Variants in ICAM1 observed in about 807,000 individuals in gnomAD.
ICAM1 encodes the protein intercellular adhesion molecule 1.
ICAM1 carries 28 observed loss-of-function variants against 42.3 expected under a neutral mutation model. The ratio of observed to expected loss-of-function variants is 0.66; its 90% CI spans 0.49 to 0.91. ICAM1 has a LOEUF of 0.91. ICAM1 is among the 40% of genes least tolerant of loss of function. The pLI is 0.00. For synonymous variants in ICAM1, 304 were observed against 305.9 expected (o/e 0.99, Z 0.07); for missense variants, 637 against 688.6 (o/e 0.93, Z 0.84).
Position 10,286,357 on chromosome 19 carries a change from CGTGTGTGT to C in ICAM1, c.*1079_*1086del. 1 of 151,226 alleles carries C rather than the reference CGTGTGTGT, an allele frequency of 6.6e-6. No homozygotes were observed. Among genetic ancestry groups the C allele is most frequent in the African/African-American group, 2.4e-5 (1 of 41,144 alleles). 9.4% of individuals were successfully genotyped at this position (151,226 alleles called of 1,614,324 possible). The stretch of plus-strand genomic sequence containing the variant: ...CTCCCAGCTTTGGAAGCCTCATCCG[CGTGTGTGT>C]GTGTGTGTATGTGTAGACAAGCTCT... On this transcript the variant is annotated 3_prime_UTR_variant, in exon 7 of 7. Coordinates refer to ENST00000264832, the MANE Select transcript of ICAM1 (RefSeq NM_000201.3).
In ICAM1 at chr19:10,283,550, G is replaced by A. The variant is rs781416568; in HGVS notation, c.401G>A (p.Arg134His). Residue 134 changes from arginine (R) to histidine (H), a missense_variant, in exon 3 of 7, where the codon CGC becomes CAC. Physicochemically the swap from Arg to His is conservative, Grantham distance 29 (BLOSUM62 0). Transcript: ENST00000264832. ...WQPVGKNLTL[R>H]CQVEGGAPRA... ...CCAGTGGGCAAGAACCTTACCCTAC[G>A]CTGCCAGGTGGAGGGTGGGGCACCC... 1.3e-5 allele frequency: 21 copies of A among 1,612,174 alleles called. 1 individual carries two copies. Among genetic ancestry groups the A allele is most frequent in the South Asian group, 7.7e-5 (7 of 90,982 alleles).
intron 1 of ICAM1, among the ~76,000 whole-genome samples, chr19:10,274,049 T>C (rs1416474196): frequency 6.6e-6 from 1 of 151,926 alleles, no homozygotes; most frequent in Non-Finnish European, 1.5e-5. Context: ...ATCTTTAGCA[T>C]GGCCTTCAGT....
At chr19:10,283,999 T>C in intron 3 of ICAM1, 34 bp from the exon 4 acceptor site, 9 of 1,596,480 alleles carry the variant, frequency 5.6e-6, no homozygotes, top group Non-Finnish European at 7.7e-6. Flanking sequence ...GGGACGTCCA[T>C]CCCTGTCTGC....
rs1568291858 is a variant in ICAM1 at position 10,274,743 on chromosome 19, C to T, written c.68-22C>T. 2.5e-6 allele frequency: 4 copies of T among 1,606,782 alleles called. No individual in the cohort carries two copies. In the African/African-American group the frequency reaches 5.4e-5, roughly 21 times the overall value. ...TGAACCTGATTTGTAATGCCTGTCG[C>T]CTCTTCCCTCGTTTCTTCTAGGACC... is the stretch of plus-strand genomic sequence containing the variant. On this transcript the variant is annotated intron_variant, in intron 1 of 6. Coordinates refer to ENST00000264832, the MANE Select transcript of ICAM1 (RefSeq NM_000201.3).
chr19:10,281,080 A>G (rs549804323), intron 2 of ICAM1, among the ~76,000 whole-genome samples: 68 of 150,604 alleles, frequency 4.5e-4, no homozygotes, highest in South Asian at 3.2e-3. Flanking sequence ...TCACCGTGTT[A>G]GCCAGGATGG....
At chr19:10,283,852 GC>G in intron 3 of ICAM1, 66 bp downstream of exon 3, 1 of 1,500,502 alleles carries the variant, frequency 6.7e-7, no homozygotes, top group South Asian at 1.3e-5. Context: ...GGTGCCTGTG[GC>G]CACAGGATCT....
intron 2 of ICAM1, among the ~76,000 whole-genome samples, chr19:10,278,276 A>C (rs1200466209): frequency 6.6e-6 from 1 of 152,186 alleles, no homozygotes; most frequent in African/African-American, 2.4e-5. Context: ...AGCTTGGGAC[A>C]TGACTTCTGC....
chr19:10,282,071 C>CTTTT (rs35660845), intron 2 of ICAM1, among the ~76,000 whole-genome samples: 10 of 144,786 alleles, frequency 6.9e-5, no homozygotes, highest in East Asian at 6.0e-4. Flanking sequence ...TCATTACTGA[C>CTTTT]TTTTTTTTTT....
At chr19:10,279,292 CCAGTGCTTTGGGAGGCCAAAG>C (rs763906466) in intron 2 of ICAM1, among the ~76,000 whole-genome samples, 4 of 151,770 alleles carry the variant, frequency 2.6e-5, no homozygotes, top group Non-Finnish European at 5.9e-5. Flanking sequence ...ACCTGTAATC[CCAGTGCTTTGGGAGGCCAAAG>C]CAAGAGGATT....
intron 2 of ICAM1, among the ~76,000 whole-genome samples, chr19:10,280,333 A>T (rs5030366): frequency 0.061 from 9,320 of 151,896 alleles, 283 homozygotes; most frequent in Middle Eastern, 0.082. Context: ...ATATATATAT[A>T]TTTTTTTGTT....
At chr19:10,274,564 C>G (rs926904833) in intron 1 of ICAM1, among the ~76,000 whole-genome samples, 14 of 152,198 alleles carry the variant, frequency 9.2e-5, no homozygotes, top group Non-Finnish European at 2.1e-4. Flanking sequence ...ATCTGCCCGC[C>G]TTGGCCTCCC....
intron 1 of ICAM1, among the ~76,000 whole-genome samples, chr19:10,272,632 T>G (rs575339328): frequency 7.0e-6 from 1 of 142,118 alleles, no homozygotes; most frequent in Admixed American, 7.5e-5. Flanking sequence ...TGGCGTGATC[T>G]CGGCTCACTG....
intron 2 of ICAM1, 51 bp from the exon 3 acceptor site, chr19:10,283,430 C>T: frequency 6.7e-7 from 1 of 1,500,594 alleles, no homozygotes; most frequent in Non-Finnish European, 8.9e-7. Context: ...GTCTGTTAGG[C>T]AGGCAGCAAG....
At chr19:10,275,296 G>A (rs976907444) in intron 2 of ICAM1, among the ~76,000 whole-genome samples, 6 of 152,192 alleles carry the variant, frequency 3.9e-5, no homozygotes, top group Non-Finnish European at 7.3e-5. Flanking sequence ...GAGATCAGGA[G>A]TTTAAGTTTC....
At chr19:10,275,481 G>T (rs1427286872) in intron 2 of ICAM1, among the ~76,000 whole-genome samples, 1 of 151,974 alleles carries the variant, frequency 6.6e-6, no homozygotes, top group Non-Finnish European at 1.5e-5. Flanking sequence ...GGATAACAGA[G>T]CAAGATTCCA....
Position 10,283,901 on chromosome 19 carries a change from G to A in ICAM1, c.637+115G>A. 3.5e-6 allele frequency: 5 copies of A among 1,435,702 alleles called. No individual in the cohort carries two copies. The South Asian group carries it at 3.9e-5, about 11-fold the overall frequency. 88.9% of individuals were successfully genotyped at this position (1,435,702 alleles called of 1,614,324 possible). A position where few individuals can be genotyped will look rare whatever the true frequency, so the allele number is the denominator to read the frequency against. ...GTGGCCCCGGCTAAGGGGTGCATGTGTTCTAGGCGTATGTGACCTAGGCTG... is the reference window on the plus strand; with the variant it reads ...GTGGCCCCGGCTAAGGGGTGCATGTATTCTAGGCGTATGTGACCTAGGCTG... On this transcript the variant is annotated intron_variant, in intron 3 of 6. Transcript: ENST00000264832.
In ICAM1 at chr19:10,284,118, G is replaced by T. The variant is rs5493; in HGVS notation, c.723G>T (p.Gly241=). The change falls in exon 4 of 7, where the codon GGG becomes GGT. Residue 241 remains glycine, a synonymous_variant. Transcript: ENST00000264832. The surrounding 1 kb of genome is among the most constrained non-coding windows in gnomAD (Gnocchi z 5.4). Reference sequence around the variant, plus strand: ...GGACCGTGGTCTGTTCCCTGGACGGGCTGTTCCCAGTCTCGGAGGCCCAGG... The same window carrying T: ...GGACCGTGGTCTGTTCCCTGGACGGTCTGTTCCCAGTCTCGGAGGCCCAGG... ...TQGTVVCSLD[G]LFPVSEAQVH... The T allele has an allele frequency of 4.3e-6, 7 of 1,613,958 alleles. No individual in the cohort carries two copies. In the African/African-American group the frequency reaches 8.0e-5, roughly 18 times the overall value.
intron 1 of ICAM1, among the ~76,000 whole-genome samples, 179 bp from the exon 2 acceptor site, chr19:10,274,586 A>ATTAC (rs939561127): frequency 1.3e-5 from 2 of 152,160 alleles, no homozygotes; most frequent in Admixed American, 6.6e-5. Context: ...AAGTGCTGGG[A>ATTAC]TTACAGGCGT....
Position 10,285,250 on chromosome 19 carries a change from C to T in ICAM1, c.1562C>T (p.Thr521Ile). 6.2e-7 allele frequency: 1 copy of T among 1,614,148 alleles called. No individual in the cohort carries two copies. Among genetic ancestry groups the T allele is most frequent in the Non-Finnish European group, 8.5e-7 (1 of 1,180,008 alleles). ...AGACTACAACAGGCCCAAAAAGGGACCCCCATGAAACCGAACACACAAGCC... is the reference window on the plus strand; with the variant it reads ...AGACTACAACAGGCCCAAAAAGGGATCCCCATGAAACCGAACACACAAGCC... ...KYRLQQAQKG[T>I]PMKPNTQATP... The change falls in exon 7 of 7, where the codon ACC (threonine) becomes ATC (isoleucine). Residue 521 changes from threonine to isoleucine, a missense_variant. By Grantham distance (89) the Thr-to-Ile change is moderately conservative (BLOSUM62 -1). Transcript: ENST00000264832.
Sources: gnomAD v4.1 joint callset for allele counts (sites outside exome capture counted in the v4.1 genomes callset) on GRCh38, gnomAD v4.1.1 for gene constraint, Gnocchi (gnomAD v3.1) non-coding constraint, MANE v1.5 for transcripts, NCBI Gene and HGNC (gene_info 2026-07-23, HGNC 2026-07-21) for gene names.